Variants in TRRAP observed in about 807,000 individuals in gnomAD.
TRRAP encodes the protein transformation/transcription domain-associated protein.
A neutral mutation model predicts 438.8 loss-of-function variants in TRRAP; 41 were observed. The ratio of observed to expected loss-of-function variants is 0.09; its 90% CI spans 0.07 to 0.12. The LOEUF (loss-of-function observed/expected upper bound fraction) is 0.12. Among genes scored for constraint, TRRAP ranks in the 10% least tolerant of loss-of-function variants. The pLI, the probability that TRRAP is intolerant of heterozygous loss-of-function variation, is 1.00. For missense variants in TRRAP, 3,122 were observed against 5,055.1 expected (o/e 0.62, Z 11.60); for synonymous variants, 1,994 against 1,962.9 (o/e 1.02, Z -0.42).
At chr7:98,959,871 A>G (rs912900690) in intron 45 of TRRAP, among the ~76,000 whole-genome samples, 1 of 150,476 alleles carries the variant, frequency 6.6e-6, no homozygotes, top group African/African-American at 2.5e-5. Context: ...TTGAGGCTGC[A>G]GTGAGCTATG....
chr7:99,008,067 G>A (rs536514824), intron 69 of TRRAP, among the ~76,000 whole-genome samples: 20 of 151,330 alleles, frequency 1.3e-4, no homozygotes, highest in South Asian at 2.1e-4. Context: ...CTCGTGATCC[G>A]CCCACTGTGG....
At chr7:98,882,133 G>A in intron 3 of TRRAP, 109 bp downstream of exon 3, 1 of 958,806 alleles carries the variant, frequency 1.0e-6, no homozygotes, top group Non-Finnish European at 1.5e-6. Flanking sequence ...CATTGTCTTT[G>A]TTCAAGTAAT....
chr7:98,957,538 C>G (rs924764976), intron 43 of TRRAP, among the ~76,000 whole-genome samples: 2 of 152,208 alleles, frequency 1.3e-5, no homozygotes, highest in African/African-American at 4.8e-5. Context: ...CCAGGCCCTG[C>G]TGATGGCTCT....
intron 7 of TRRAP, 87 bp from the exon 8 acceptor site, chr7:98,897,654 T>G: frequency 6.8e-7 from 1 of 1,465,294 alleles, no homozygotes; most frequent in Non-Finnish European, 9.1e-7. Flanking sequence ...GAGTCAAGCG[T>G]CTTTTTGTTT....
In TRRAP at chr7:98,971,896, T is replaced by C. The variant is rs1287279607; in HGVS notation, c.7790T>C (p.Met2597Thr). Residue 2597 changes from methionine (M) to threonine (T), a missense_variant, in exon 53 of 73, where the codon ATG becomes ACG. Coordinates refer to ENST00000456197, the MANE Select transcript of TRRAP (RefSeq NM_001375524.1). ...SEKDIGNQLH[M>T]LTNRHDKFLD... ...AAGGACATTGGAAACCAGCTGCACA[T>C]GCTAACCAACAGGCACGACAAGTTT... 1 of 1,614,250 alleles carries C rather than the reference T, an allele frequency of 6.2e-7. No individual in the cohort carries two copies. The highest frequency in any genetic ancestry group is 8.5e-7 in the Non-Finnish European group (1 of 1,180,044).
chr7:98,891,959 A>G (rs1554404988), intron 4 of TRRAP, among the ~76,000 whole-genome samples: 1 of 152,250 alleles, frequency 6.6e-6, no homozygotes, highest in Non-Finnish European at 1.5e-5. Flanking sequence ...TTTAGTTGTC[A>G]GCTCCACAGA....
intron 13 of TRRAP, among the ~76,000 whole-genome samples, chr7:98,906,500 T>C (rs1166313031): frequency 6.6e-6 from 1 of 152,062 alleles, no homozygotes; most frequent in Non-Finnish European, 1.5e-5. Context: ...CAGTGCAATC[T>C]TGGCTCACTG....
At chr7:98,918,481 G>T (rs1447059699) in intron 20 of TRRAP, among the ~76,000 whole-genome samples, 2 of 151,684 alleles carry the variant, frequency 1.3e-5, no homozygotes, top group Admixed American at 1.3e-4. Context: ...GCCCACCTCA[G>T]CCTCCCAAAG....
chr7:98,906,761 T>C (rs1191856443), intron 13 of TRRAP, among the ~76,000 whole-genome samples: 1 of 152,146 alleles, frequency 6.6e-6, no homozygotes, highest in Non-Finnish European at 1.5e-5. Flanking sequence ...GGAAAGCCCT[T>C]AGATTACTTT....
intron 8 of TRRAP, among the ~76,000 whole-genome samples, chr7:98,898,973 AG>A (rs1796350361): frequency 6.6e-6 from 1 of 152,208 alleles, no homozygotes; most frequent in South Asian, 2.1e-4. Flanking sequence ...AGATCACCTG[AG>A]GTCAGGAGTT....
At chr7:98,881,002 G>A (rs990748998) in intron 1 of TRRAP, 88 bp from the exon 2 acceptor site, 4 of 485,754 alleles carry the variant, frequency 8.2e-6, no homozygotes, top group Admixed American at 4.1e-5. Context: ...AAAGCGTATC[G>A]ATTATGTAGG....
chr7:98,976,825 T>C lies in TRRAP; in HGVS notation c.8247+55T>C. 2 of 1,601,426 alleles carry C rather than the reference T, an allele frequency of 1.2e-6. No homozygotes were observed. Among genetic ancestry groups the C allele is most frequent in the South Asian group, 1.1e-5 (1 of 89,910 alleles). On this transcript the variant is annotated intron_variant, in intron 55 of 72. Coordinates refer to ENST00000456197, the MANE Select transcript of TRRAP (RefSeq NM_001375524.1). This position sits in a 1 kb window ranked among gnomAD's most constrained non-coding sequence, Gnocchi z 4.6. ...CTCTTCCCTGCCAGTGACTTCACAC[T>C]TTAAATAAATACTCCTCCCAAATGA...
In TRRAP at chr7:98,961,612, A is replaced by C. The variant is rs1017340961; in HGVS notation, c.6703+138A>C. 8 of 1,106,466 alleles carry C rather than the reference A, an allele frequency of 7.2e-6. No individual in the cohort carries two copies. The African/African-American group carries it at 1.1e-4, about 15-fold the overall frequency. The allele number at this position is 1,106,466 out of a possible 1,614,324, so 68.5% of individuals were successfully genotyped here. On this transcript the variant is annotated intron_variant, in intron 46 of 72. Coordinates refer to ENST00000456197, the MANE Select transcript of TRRAP (RefSeq NM_001375524.1). ...CCTTTCTACTTGCAAACTTTCTTTT[A>C]AAAACTGACATGGAAACATAGAATG...
intron 23 of TRRAP, among the ~76,000 whole-genome samples, chr7:98,929,784 G>A (rs1554412392): frequency 6.6e-6 from 1 of 151,930 alleles, no homozygotes; most frequent in Non-Finnish European, 1.5e-5. Context: ...AGTAGAGATG[G>A]GGTTTCACCA....
intron 53 of TRRAP, among the ~76,000 whole-genome samples, chr7:98,975,473 T>C (rs1378577115): frequency 2.0e-5 from 3 of 152,168 alleles, no homozygotes; most frequent in South Asian, 2.1e-4. Context: ...TAATAAGGAA[T>C]GTTGGCAGCT....
Position 98,978,211 on chromosome 7 carries a change from G to A in TRRAP, c.8386G>A (p.Ala2796Thr), listed in dbSNP as rs1792758054. 6.2e-7 allele frequency: 1 copy of A among 1,609,102 alleles called. No homozygotes were observed. The part of the protein sequence containing the change: ...AYEQHGFFEQ[A>T]QESYEKAMDK... ...ATTTAAAAACATTAACTTTTTTTAG[G>A]CACAAGAATCCTATGAAAAGGCAAT... The change falls in exon 57 of 73, where the codon GCA (alanine) becomes ACA (threonine). Residue 2796 changes from alanine (A) to threonine (T), a missense_variant and splice_region_variant. Ala to Thr is a moderately conservative substitution (Grantham distance 58, BLOSUM62 0). This residue lies in a region of TRRAP where 992 missense variants were observed against 1,281.2 expected (regional missense o/e 0.77). Coordinates refer to ENST00000456197, the MANE Select transcript of TRRAP (RefSeq NM_001375524.1).
chr7:98,965,779 A>C lies in TRRAP; in HGVS notation c.7060A>C (p.Ile2354Leu). The change falls in exon 49 of 73, where the codon ATC (isoleucine) becomes CTC (leucine). Residue 2354 changes from isoleucine to leucine, a missense_variant. Ile to Leu is a conservative substitution (Grantham distance 5, BLOSUM62 2). Coordinates refer to ENST00000456197, the MANE Select transcript of TRRAP (RefSeq NM_001375524.1). The part of the protein sequence containing the change: ...VMSMEMRKNF[I>L]QAILTSLIEK... Reference sequence around the variant, plus strand: ...GAGCATGGAGATGCGGAAGAACTTCATCCAGGCCATCCTGACATCCCTCAT... The same window carrying C: ...GAGCATGGAGATGCGGAAGAACTTCCTCCAGGCCATCCTGACATCCCTCAT... 2 of 1,614,168 alleles carry C rather than the reference A, an allele frequency of 1.2e-6. No homozygotes were observed. Among genetic ancestry groups the C allele is most frequent in the Non-Finnish European group, 1.7e-6 (2 of 1,180,038 alleles).
intron 39 of TRRAP, among the ~76,000 whole-genome samples, chr7:98,951,551 T>C (rs188893950): frequency 4.6e-5 from 7 of 152,338 alleles, no homozygotes; most frequent in East Asian, 3.9e-4. Flanking sequence ...CATCATGTTA[T>C]TTCCCCAAGG....
In TRRAP at chr7:98,959,470, G is replaced by C. The variant is rs746396500; in HGVS notation, c.6469G>C (p.Asp2157His). 2 of 1,613,682 alleles carry C rather than the reference G, an allele frequency of 1.2e-6. No individual in the cohort carries two copies. The highest frequency in any genetic ancestry group is 1.7e-6 in the Non-Finnish European group (2 of 1,179,886). The change falls in exon 45 of 73, where the codon GAC (aspartate) becomes CAC (histidine). Residue 2157 changes from aspartate to histidine, a missense_variant. Around this residue, in one of 24 missense-constraint regions of TRRAP, gnomAD observed 992 missense variants for 1,281.2 expected, o/e 0.77. Coordinates refer to ENST00000456197, the MANE Select transcript of TRRAP (RefSeq NM_001375524.1). The stretch of plus-strand genomic sequence containing the variant: ...GTCCGAACTCAAGCTGCAGTGGTTC[G>C]ACAAGCTGCTGATGACTGTGGTGAG... Reference protein sequence around the residue: ...PKSELKLQWFDKLLMTVEQPN... With the variant: ...PKSELKLQWFHKLLMTVEQPN...
Sources: allele counts gnomAD v4.1 joint callset (sites outside exome capture counted in the v4.1 genomes callset), GRCh38; gene constraint gnomAD v4.1.1; regional missense constraint gnomAD v4.1.1; non-coding constraint Gnocchi (gnomAD v3.1); transcripts MANE v1.5; gene names NCBI Gene and HGNC (gene_info 2026-07-23, HGNC 2026-07-21).